The following CPNE5 variants were observed in gnomAD, a reference collection of about 807,000 sequenced individuals.
CPNE5 encodes copine-5.
CPNE5 carries 42 observed loss-of-function variants against 81.1 expected under a neutral mutation model. The observed-to-expected ratio is 0.52, with a 90% CI of 0.40 to 0.67. The LOEUF (loss-of-function observed/expected upper bound fraction) is 0.67, where lower values mean the gene tolerates loss of function less well. Among genes scored for constraint, CPNE5 ranks in the 30% least tolerant of loss-of-function variants. The probability of loss-of-function intolerance (pLI) is 0.00; values close to 1 mark genes in which losing one functional copy is unlikely to be tolerated. For missense variants in CPNE5, 612 were observed against 815.5 expected, an observed-to-expected ratio of 0.75 and a Z score of 3.04; for synonymous variants, 313 against 321.5, an observed-to-expected ratio of 0.97 and a Z score of 0.28.
intron 7 of CPNE5, among the ~76,000 whole-genome samples, chr6:36,794,171 A>C (rs1769349644): frequency 7.2e-6 from 1 of 138,816 alleles, no homozygotes; most frequent in Admixed American, 7.4e-5. Flanking sequence ...AGGGAGGGGA[A>C]CAGGGGGGAA....
chr6:36,817,903 C>T (rs1243093838), intron 3 of CPNE5, among the ~76,000 whole-genome samples: 2 of 152,288 alleles, frequency 1.3e-5, no homozygotes, highest in East Asian at 3.9e-4. Flanking sequence ...AGTAATGGCT[C>T]CCTCCTATTG....
At chr6:36,756,634 A>G (rs1425699889) in intron 12 of CPNE5, among the ~76,000 whole-genome samples, 1 of 152,104 alleles carries the variant, frequency 6.6e-6, no homozygotes, top group Non-Finnish European at 1.5e-5. Context: ...CCCTATCTGT[A>G]CCTGTCCCTT....
At chr6:36,808,017 G>A (rs1002391843) in intron 3 of CPNE5, among the ~76,000 whole-genome samples, 1 of 152,210 alleles carries the variant, frequency 6.6e-6, no homozygotes, top group Non-Finnish European at 1.5e-5. Context: ...CTCAGCCTCT[G>A]ATCATGGACT....
chr6:36,780,276 A>C (rs1258276559), intron 8 of CPNE5, among the ~76,000 whole-genome samples: 1 of 151,944 alleles, frequency 6.6e-6, no homozygotes, highest in Non-Finnish European at 1.5e-5. Flanking sequence ...CCTTCCTCTT[A>C]ATGAGGGGGA....
intron 3 of CPNE5, among the ~76,000 whole-genome samples, chr6:36,813,367 C>A (rs1295319553): frequency 6.6e-6 from 1 of 152,164 alleles, no homozygotes; most frequent in African/African-American, 2.4e-5. Flanking sequence ...TCTGCCTCTA[C>A]TAAAAATACA....
chr6:36,745,812 A>T (rs764434492), intron 16 of CPNE5, among the ~76,000 whole-genome samples: 2 of 152,126 alleles, frequency 1.3e-5, no homozygotes, highest in African/African-American at 2.4e-5. Context: ...CTGCCCTAAA[A>T]TGACTGCTGG....
intron 2 of CPNE5, 27 bp from the exon 3 acceptor site, chr6:36,822,187 T>A: frequency 1.4e-6 from 2 of 1,480,352 alleles, no homozygotes; most frequent in South Asian, 2.7e-5. Flanking sequence ...AACAGTGGAT[T>A]AATACCTCAG....
chr6:36,819,150 T>C (rs959838654), intron 3 of CPNE5, among the ~76,000 whole-genome samples: 1 of 152,248 alleles, frequency 6.6e-6, no homozygotes, highest in Non-Finnish European at 1.5e-5. Context: ...TCAACCAGGC[T>C]GGAGTGCAGT....
intron 10 of CPNE5, among the ~76,000 whole-genome samples, chr6:36,765,776 G>A (rs1312675347): frequency 6.6e-6 from 1 of 151,964 alleles, no homozygotes; most frequent in African/African-American, 2.4e-5. Flanking sequence ...CCGGCAGGGT[G>A]GAGGGGAGGG....
chr6:36,807,674 C>T (rs531212531), intron 3 of CPNE5, among the ~76,000 whole-genome samples: 2 of 152,064 alleles, frequency 1.3e-5, no homozygotes, highest in African/African-American at 2.4e-5. Flanking sequence ...AGGGGTCTCC[C>T]GAAAGCCCTA....
Position 36,839,194 on chromosome 6 carries a change from C to A in CPNE5, c.95+89G>T. 1 of 924,904 alleles carries A rather than the reference C, an allele frequency of 1.1e-6. No individual in the cohort carries two copies. The highest frequency in any genetic ancestry group is 2.8e-5 in the Admixed American group (1 of 35,798). 57.3% of individuals were successfully genotyped at this position (924,904 alleles called of 1,614,324 possible). Reference sequence around the variant, plus strand: ...AGACCAGGACACTCTGGGAAGGGGGCGCGCGGAGGTTTAGGATCGAAGCGG... The same window carrying A: ...AGACCAGGACACTCTGGGAAGGGGGAGCGCGGAGGTTTAGGATCGAAGCGG... On this transcript the variant is annotated intron_variant, in intron 1 of 20. Coordinates refer to ENST00000244751, the MANE Select transcript of CPNE5 (RefSeq NM_020939.2). The surrounding 1 kb of genome is among the most constrained non-coding windows in gnomAD (Gnocchi z 7.3).
Position 36,742,136 on chromosome 6 carries a change from AC to A in CPNE5, c.*131del, listed in dbSNP as rs1382406317. On this transcript the variant is annotated 3_prime_UTR_variant, in exon 21 of 21. Transcript: ENST00000244751. ...TTGAGGAGGGGTCTTCAGAAGCCCCACCCCCTGGCAGCCTCCCAGGCACACA... is the reference window on the plus strand; with the variant it reads ...TTGAGGAGGGGTCTTCAGAAGCCCCACCCCTGGCAGCCTCCCAGGCACACA... 26 of 657,366 alleles carry A rather than the reference AC, an allele frequency of 4.0e-5. No individual in the cohort carries two copies. The highest frequency in any genetic ancestry group is 6.5e-5 in the Non-Finnish European group (26 of 398,488). The allele number at this position is 657,366 out of a possible 1,614,324, so 40.7% of individuals were successfully genotyped here. A position where few individuals can be genotyped will look rare whatever the true frequency, so the allele number is the denominator to read the frequency against.
At chr6:36,828,279 A>G (rs1169282762) in intron 1 of CPNE5, among the ~76,000 whole-genome samples, 1 of 137,200 alleles carries the variant, frequency 7.3e-6, no homozygotes, top group Non-Finnish European at 1.5e-5. Context: ...ACACAGTGAG[A>G]TTCCATCTCT....
intron 8 of CPNE5, among the ~76,000 whole-genome samples, chr6:36,786,359 A>T (rs1768552059): frequency 6.6e-6 from 1 of 152,188 alleles, no homozygotes; most frequent in Non-Finnish European, 1.5e-5. Flanking sequence ...CTGGTCTGAG[A>T]GACTGGGCCT....
chr6:36,767,947 G>T (rs576161671), intron 10 of CPNE5, among the ~76,000 whole-genome samples: 1 of 152,346 alleles, frequency 6.6e-6, no homozygotes, highest in South Asian at 2.1e-4. Context: ...TTCATGATCA[G>T]TTGGTCTGGA....
chr6:36,784,949 G>GAA lies in CPNE5; in HGVS notation c.529-5994_529-5993dup, dbSNP rs11384684. ...ATCTCAAAAACAAAGAGAGAGAGAG[G>GAA]AAAAAAAAAAAAAGAAAAGAAATGC... On this transcript the variant is annotated intron_variant, in intron 8 of 20. Coordinates refer to ENST00000244751, the MANE Select transcript of CPNE5 (RefSeq NM_020939.2). 6.4e-3 allele frequency among the ~76,000 whole-genome samples: 881 copies of GAA among 137,502 alleles called. 8 individuals carry two copies. The highest frequency in any genetic ancestry group is 0.02 in the African/African-American group (750 of 37,038). The allele number at this position is 137,502 out of a possible 152,430, so 90.2% of individuals were successfully genotyped here. A position where few individuals can be genotyped will look rare whatever the true frequency, so the allele number is the denominator to read the frequency against.
intron 14 of CPNE5, among the ~76,000 whole-genome samples, 195 bp downstream of exon 14, chr6:36,752,839 G>A (rs913763216): frequency 9.2e-5 from 14 of 152,244 alleles, no homozygotes; most frequent in African/African-American, 3.4e-4. Context: ...CCTCCAAGCT[G>A]CTTGGGATCT....
chr6:36,763,670 G>T (rs977754638), intron 11 of CPNE5, among the ~76,000 whole-genome samples: 1 of 151,908 alleles, frequency 6.6e-6, no homozygotes, highest in Non-Finnish European at 1.5e-5. Flanking sequence ...GTGGGTAAGT[G>T]GGAAAGTGCC....
chr6:36,765,379 G>A lies in CPNE5; in HGVS notation c.738-3C>T. The A allele has an allele frequency of 1.2e-6, 2 of 1,614,116 alleles. No individual in the cohort carries two copies. Among genetic ancestry groups the A allele is most frequent in the Non-Finnish European group, 1.7e-6 (2 of 1,179,962 alleles). Reference sequence around the variant, plus strand: ...CGTACACCTCCACCTTGATGGTCCTGCAAAACAAAGGCCTTTGCTGGGATG... The same window carrying A: ...CGTACACCTCCACCTTGATGGTCCTACAAAACAAAGGCCTTTGCTGGGATG... On this transcript the variant is annotated splice_polypyrimidine_tract_variant and splice_region_variant and intron_variant, in intron 10 of 20. Coordinates refer to ENST00000244751, the MANE Select transcript of CPNE5 (RefSeq NM_020939.2).
Sources: allele counts gnomAD v4.1 joint callset (sites outside exome capture counted in the v4.1 genomes callset), GRCh38; gene constraint gnomAD v4.1.1; non-coding constraint Gnocchi (gnomAD v3.1); transcripts MANE v1.5; gene names NCBI Gene and HGNC (gene_info 2026-07-23, HGNC 2026-07-21).